Variants in FER1L6 observed in about 807,000 individuals in gnomAD.
The protein encoded by FER1L6 is fer-1 like family member 6.
A neutral mutation model predicts 219.2 loss-of-function variants in FER1L6; 177 were observed. The observed-to-expected ratio is 0.81, with a 90% CI of 0.71 to 0.91. The LOEUF is 0.91. Among genes scored for constraint, FER1L6 ranks in the 40% least tolerant of loss-of-function variants. The pLI is 0.00. For missense variants in FER1L6, 2,153 were observed against 2,259.9 expected (o/e 0.95, Z 0.96); for synonymous variants, 768 against 824.3 (o/e 0.93, Z 1.17).
chr8:123,871,929 G>T (rs1029805689), intron 1 of FER1L6, among the ~76,000 whole-genome samples: 1 of 152,160 alleles, frequency 6.6e-6, no homozygotes, highest in African/African-American at 2.4e-5. Flanking sequence ...ATATGTATTA[G>T]GCTGTTCTTG....
At chr8:123,938,278 G>A (rs1244148748) in intron 1 of FER1L6, among the ~76,000 whole-genome samples, 2 of 152,168 alleles carry the variant, frequency 1.3e-5, no homozygotes, top group Non-Finnish European at 2.9e-5. Flanking sequence ...TTCCCATTAA[G>A]CTTCACACAT....
chr8:124,060,323 T>A lies in FER1L6; in HGVS notation c.2985+33T>A, dbSNP rs772503062. Reference sequence around the variant, plus strand: ...TCAGCGGAGGAGCTGAGTTGTTCTTTGGCACTCAAGGGCAGTGGCCCCACC... The same window carrying A: ...TCAGCGGAGGAGCTGAGTTGTTCTTAGGCACTCAAGGGCAGTGGCCCCACC... On this transcript the variant is annotated intron_variant, in intron 23 of 40. Coordinates refer to ENST00000522917, the MANE Select transcript of FER1L6 (RefSeq NM_001039112.2). 32 of 1,603,766 alleles carry A rather than the reference T, an allele frequency of 2.0e-5. No individual in the cohort carries two copies. The East Asian group carries it at 7.1e-4, about 36-fold the overall frequency.
intron 1 of FER1L6, among the ~76,000 whole-genome samples, chr8:123,935,096 A>G (rs1026635791): frequency 3.3e-5 from 5 of 152,196 alleles, no homozygotes; most frequent in Non-Finnish European, 7.3e-5. Flanking sequence ...TAGCTAATTA[A>G]TGATCACTAT....
chr8:124,012,151 C>T (rs565737865), intron 14 of FER1L6, among the ~76,000 whole-genome samples: 5 of 152,316 alleles, frequency 3.3e-5, no homozygotes, highest in South Asian at 4.1e-4. Flanking sequence ...CCTCCTGTTC[C>T]GTTAAAACCT....
intron 12 of FER1L6, among the ~76,000 whole-genome samples, chr8:124,000,405 A>C (rs1436831688): frequency 6.6e-6 from 1 of 152,096 alleles, no homozygotes; most frequent in African/African-American, 2.4e-5. Flanking sequence ...AGAGTTGTTT[A>C]ATTTGGTCTT....
chr8:124,011,791 C>G (rs565700146), intron 14 of FER1L6, among the ~76,000 whole-genome samples: 2 of 152,244 alleles, frequency 1.3e-5, no homozygotes, highest in South Asian at 2.1e-4. Context: ...GGCCAACACC[C>G]TGTTATTTTC....
intron 22 of FER1L6, among the ~76,000 whole-genome samples, chr8:124,050,902 A>G (rs1586640207): frequency 6.6e-6 from 1 of 152,244 alleles, no homozygotes; most frequent in East Asian, 1.9e-4. Context: ...AATTTTGGAG[A>G]GTCACATTCA....
chr8:123,856,349 T>TATATA (rs71289618), intron 1 of FER1L6, among the ~76,000 whole-genome samples: 229 of 134,406 alleles, frequency 1.7e-3, no homozygotes, highest in Non-Finnish European at 2.6e-3. Context: ...TATATATATA[T>TATATA]TAGGGTCCAG....
At chr8:124,004,676 C>A (rs1157477125) in intron 13 of FER1L6, among the ~76,000 whole-genome samples, 1 of 152,096 alleles carries the variant, frequency 6.6e-6, no homozygotes, top group Non-Finnish European at 1.5e-5. Flanking sequence ...GCCCACCATT[C>A]TGAGTCCTCC....
chr8:123,902,155 C>T (rs1216391091), intron 1 of FER1L6, among the ~76,000 whole-genome samples: 1 of 152,122 alleles, frequency 6.6e-6, no homozygotes, highest in East Asian at 1.9e-4. Context: ...TTTTATTCCA[C>T]TGTGGTCTGA....
chr8:124,013,597 G>A, intron 15 of FER1L6, 66 bp downstream of exon 15: 1 of 1,106,082 alleles, frequency 9.0e-7, no homozygotes, highest in Non-Finnish European at 1.3e-6. Context: ...TAATTACCTT[G>A]AGAAAGTCGT....
intron 1 of FER1L6, among the ~76,000 whole-genome samples, chr8:123,868,447 AT>A (rs1465934432): frequency 6.6e-6 from 1 of 152,168 alleles, no homozygotes; most frequent in African/African-American, 2.4e-5. Context: ...GAGCTCTTTC[AT>A]TTCCCACTAG....
At chr8:123,896,409 AT>A (rs898770267) in intron 1 of FER1L6, among the ~76,000 whole-genome samples, 1 of 152,216 alleles carries the variant, frequency 6.6e-6, no homozygotes, top group Non-Finnish European at 1.5e-5. Context: ...AACACATGGA[AT>A]TTATTTCCTT....
chr8:124,097,373 A>G lies in FER1L6; in HGVS notation c.4784+14A>G, dbSNP rs1057351237. The G allele has an allele frequency of 1.3e-6, 2 of 1,579,808 alleles. No homozygotes were observed. Among genetic ancestry groups the G allele is most frequent in the African/African-American group, 2.7e-5 (2 of 74,046 alleles). ...GCGACCCAAAGGGTATGTCAGCTGTAGCCCCAGCTTCAGGGGAAGAGACCA... is the reference window on the plus strand; with the variant it reads ...GCGACCCAAAGGGTATGTCAGCTGTGGCCCCAGCTTCAGGGGAAGAGACCA... On this transcript the variant is annotated intron_variant, in intron 36 of 40. Transcript: ENST00000522917.
intron 11 of FER1L6, chr8:123,984,672 C>T (rs894084415): frequency 2.0e-5 from 3 of 152,100 alleles, no homozygotes; most frequent in African/African-American, 7.2e-5. Flanking sequence ...AGCACTGAGC[C>T]TCACCCTGTT....
chr8:123,916,570 G>A (rs1813197073), intron 1 of FER1L6, among the ~76,000 whole-genome samples: 2 of 152,108 alleles, frequency 1.3e-5, no homozygotes, highest in South Asian at 4.1e-4. Context: ...AGTTTTAAGT[G>A]GCATTATAAA....
intron 1 of FER1L6, among the ~76,000 whole-genome samples, chr8:123,919,476 G>A (rs1813293979): frequency 6.6e-6 from 1 of 152,144 alleles, no homozygotes; most frequent in Non-Finnish European, 1.5e-5. Context: ...AGGCAATACA[G>A]GTGCCCCTCA....
intron 38 of FER1L6, among the ~76,000 whole-genome samples, chr8:124,102,003 G>A (rs1822568151): frequency 6.6e-6 from 1 of 152,172 alleles, no homozygotes; most frequent in South Asian, 2.1e-4. Flanking sequence ...GGAATCAATA[G>A]AAAGGAATGT....
chr8:124,103,395 T>A, intron 39 of FER1L6, 86 bp downstream of exon 39: 2 of 1,321,948 alleles, frequency 1.5e-6, no homozygotes, highest in Non-Finnish European at 2.1e-6. Flanking sequence ...GAACTTCAAG[T>A]AAAATGCCTT....
Sources: gnomAD v4.1 joint callset for allele counts (sites outside exome capture counted in the v4.1 genomes callset) on GRCh38, gnomAD v4.1.1 for gene constraint, MANE v1.5 for transcripts, NCBI Gene and HGNC (gene_info 2026-07-23, HGNC 2026-07-21) for gene names.